GSG1L: variants seen among roughly 807,000 people sequenced by gnomAD.
GSG1L encodes GSG1 like, also known as germ cell-specific gene 1-like protein.
A neutral mutation model predicts 42.1 loss-of-function variants in GSG1L; 24 were observed. That is an observed-to-expected ratio of 0.57 (90% CI 0.41 to 0.80). The LOEUF is 0.80. GSG1L is among the 30% of genes least tolerant of loss of function. The probability of loss-of-function intolerance (pLI) is 0.00; values close to 1 mark genes in which losing one functional copy is unlikely to be tolerated. For synonymous variants in GSG1L, 215 were observed against 203.5 expected (o/e 1.06, Z -0.48); for missense variants, 445 against 472.2 (o/e 0.94, Z 0.53).
intron 5 of GSG1L, among the ~76,000 whole-genome samples, chr16:27,810,207 G>T (rs1597465276): frequency 6.6e-6 from 1 of 152,290 alleles, no homozygotes; most frequent in East Asian, 1.9e-4. Context: ...GGCTGGGTGT[G>T]GTGGCTCATG....
intron 5 of GSG1L, among the ~76,000 whole-genome samples, chr16:27,826,524 T>A (rs2083211031): frequency 6.6e-6 from 1 of 152,042 alleles, no homozygotes; most frequent in South Asian, 2.1e-4. Context: ...GTAGTTTTCT[T>A]GAGGGGAGGC....
chr16:27,993,171 C>G (rs2085473596), intron 1 of GSG1L, among the ~76,000 whole-genome samples: 1 of 152,108 alleles, frequency 6.6e-6, no homozygotes, highest in African/African-American at 2.4e-5. Context: ...GTTGTTGAGA[C>G]AGAGTCTTGC....
At chr16:27,828,711 G>A in intron 5 of GSG1L, 78 bp downstream of exon 5, 7 of 1,406,020 alleles carry the variant, frequency 5.0e-6, no homozygotes, top group South Asian at 2.7e-5. Flanking sequence ...TTTTTGACTG[G>A]GGCCCGGTGG....
intron 6 of GSG1L, among the ~76,000 whole-genome samples, chr16:27,794,869 G>C (rs1456163109): frequency 6.6e-6 from 1 of 152,016 alleles, no homozygotes; most frequent in African/African-American, 2.4e-5. Context: ...CTCTTCTCCA[G>C]CTGTTGACTC....
chr16:27,875,351 C>T (rs949053207), intron 3 of GSG1L, among the ~76,000 whole-genome samples: 5 of 152,094 alleles, frequency 3.3e-5, no homozygotes, highest in Non-Finnish European at 2.9e-5. Flanking sequence ...GTTACCTTCT[C>T]GTCAATACTC....
chr16:27,843,479 C>A (rs2083410271), intron 4 of GSG1L, among the ~76,000 whole-genome samples: 1 of 145,616 alleles, frequency 6.9e-6, no homozygotes, highest in African/African-American at 2.6e-5. Context: ...GGCACTCCAG[C>A]CTGGGTGACA....
rs138086472 is a variant in GSG1L at position 27,884,562 on chromosome 16, G to A, written c.474C>T (p.Leu158=). 48 of 1,613,514 alleles carry A rather than the reference G, an allele frequency of 3.0e-5. No homozygotes were observed. In the African/African-American group the frequency reaches 5.5e-4, roughly 18 times the overall value. Residue 158 remains leucine (L), a synonymous_variant, in exon 3 of 7, where the codon CTC becomes CTT. Transcript: ENST00000447459. The surrounding 1 kb of genome is among the most constrained non-coding windows in gnomAD (Gnocchi z 4.4). ...LLVVGFSLMC[L]ELFHSSNVID... ...TGACATTGCTGGAGTGGAAGAGCTC[G>A]AGACACATGAGGCTGAAGCCAACCA...
chr16:28,022,694 G>A (rs2085858249), intron 1 of GSG1L, among the ~76,000 whole-genome samples: 1 of 152,036 alleles, frequency 6.6e-6, no homozygotes, highest in Non-Finnish European at 1.5e-5. Context: ...TTGAAACGAA[G>A]TGTCACTCTG....
chr16:27,941,374 A>G (rs2084792295), intron 2 of GSG1L, among the ~76,000 whole-genome samples: 1 of 151,422 alleles, frequency 6.6e-6, no homozygotes, highest in Non-Finnish European at 1.5e-5. Flanking sequence ...GCAAAGGCAT[A>G]AGAATGACAC....
At position 27,824,306 on chromosome 16, in the gene GSG1L, T is replaced by C. The variant is rs118097003; in HGVS notation, c.830+4483A>G. Reference sequence around the variant, plus strand: ...GCTCAGCGCCTCACCCCAAATTACATAGCAGCAAAGAGATAGATTTGGAAA... The same window carrying C: ...GCTCAGCGCCTCACCCCAAATTACACAGCAGCAAAGAGATAGATTTGGAAA... On this transcript the variant is annotated intron_variant, in intron 5 of 6. Transcript: ENST00000447459. Among the ~76,000 whole-genome samples the C allele has an allele frequency of 2.3e-4, 35 of 152,334 alleles. No homozygotes were observed. In the East Asian group the frequency reaches 6.4e-3, roughly 28 times the overall value.
chr16:28,035,552 T>C (rs568630627), intron 1 of GSG1L, among the ~76,000 whole-genome samples: 2 of 152,264 alleles, frequency 1.3e-5, no homozygotes, highest in South Asian at 4.2e-4. Flanking sequence ...CGGGACCATG[T>C]TTAATTAATA....
intron 3 of GSG1L, among the ~76,000 whole-genome samples, chr16:27,882,892 GC>G (rs1330503741): frequency 6.6e-6 from 1 of 152,100 alleles, no homozygotes; most frequent in Admixed American, 6.5e-5. Context: ...GATTACTTGA[GC>G]CCAGGAGTTG....
At chr16:27,845,201 A>G in intron 3 of GSG1L, 140 bp from the exon 4 acceptor site, 1 of 568,716 alleles carries the variant, frequency 1.8e-6, no homozygotes, top group Non-Finnish European at 3.2e-6. Context: ...AAGGGAGGTC[A>G]GCAGGAACAG....
At chr16:28,010,370 A>G (rs909031161) in intron 1 of GSG1L, among the ~76,000 whole-genome samples, 1 of 152,128 alleles carries the variant, frequency 6.6e-6, no homozygotes. Context: ...GAAGGCTTGG[A>G]CCCTAGAGAC....
intron 1 of GSG1L, among the ~76,000 whole-genome samples, chr16:28,028,885 G>A (rs1409652121): frequency 3.9e-5 from 6 of 152,216 alleles, no homozygotes; most frequent in African/African-American, 1.4e-4. Flanking sequence ...CTAGAGATGA[G>A]GAGGCCTGGG....
intron 3 of GSG1L, among the ~76,000 whole-genome samples, chr16:27,865,916 G>C (rs751906157): frequency 6.6e-6 from 1 of 151,806 alleles, no homozygotes; most frequent in East Asian, 1.9e-4. Context: ...GCCCAGGCTG[G>C]TCTCAAACTC....
intron 6 of GSG1L, 63 bp from the exon 7 acceptor site, chr16:27,791,530 C>T: frequency 1.9e-6 from 2 of 1,063,262 alleles, no homozygotes; most frequent in Non-Finnish European, 2.6e-6. Flanking sequence ...CCTGTCTACC[C>T]ACCGCCCCCC....
At chr16:27,888,559 CTTTCT>C in intron 2 of GSG1L, among the ~76,000 whole-genome samples, 1 of 118,366 alleles carries the variant, frequency 8.4e-6, no homozygotes, top group Non-Finnish European at 1.7e-5. Context: ...TTCTTTCTTT[CTTTCT>C]TTCTTTCTTT....
chr16:27,999,061 CAATTT>C (rs1413095052), intron 1 of GSG1L, among the ~76,000 whole-genome samples: 1 of 152,170 alleles, frequency 6.6e-6, no homozygotes, highest in Non-Finnish European at 1.5e-5. Context: ...AGCCTGCAAG[CAATTT>C]AAGAGTGAAA....
Sources: gnomAD v4.1 joint callset for allele counts (sites outside exome capture counted in the v4.1 genomes callset) on GRCh38, gnomAD v4.1.1 for gene constraint, Gnocchi (gnomAD v3.1) non-coding constraint, MANE v1.5 for transcripts, NCBI Gene and HGNC (gene_info 2026-07-23, HGNC 2026-07-21) for gene names.